RCBTB1: variants seen among roughly 807,000 people sequenced by gnomAD.
RCBTB1 encodes the protein RCC1 and BTB domain containing protein 1, also known as RCC1 and BTB domain-containing protein 1.
A neutral mutation model predicts 62.4 loss-of-function variants in RCBTB1; 46 were observed. The observed-to-expected ratio is 0.74, with a 90% confidence interval of 0.58 to 0.94. The LOEUF is 0.94. RCBTB1 is among the 40% of genes least tolerant of loss of function. The pLI is 0.00. For synonymous variants in RCBTB1, 222 were observed against 245.8 expected, an observed-to-expected ratio of 0.90 and a Z score of 0.91; for missense variants, 565 against 654.9, an observed-to-expected ratio of 0.86 and a Z score of 1.50.
chr13:49,540,824 G>C (rs996608786), intron 12 of RCBTB1, 52 bp downstream of exon 12: 37 of 1,575,126 alleles, frequency 2.3e-5, no homozygotes, highest in Non-Finnish European at 3.2e-5. Flanking sequence ...CGGGGGAGAC[G>C]AGCACAAAGG....
rs2139231620 is a variant in RCBTB1 at position 49,559,949 on chromosome 13, T to C, written c.413A>G (p.His138Arg). 2 of 1,614,132 alleles carry C rather than the reference T, an allele frequency of 1.2e-6. No homozygotes were observed. Among genetic ancestry groups the C allele is most frequent in the Non-Finnish European group, 1.7e-6 (2 of 1,179,992 alleles). Residue 138 changes from histidine to arginine, a missense_variant, in exon 5 of 13, where the codon CAT becomes CGT. Transcript: ENST00000378302. The stretch of plus-strand genomic sequence containing the variant: ...ATCAGCTGCCAGAGCCATTGAATGA[T>C]GTGAGCCACAAGCTACTTCCACCAC... Reference protein sequence around the residue: ...KQVVEVACGSHHSMALAADGE... With the variant: ...KQVVEVACGSRHSMALAADGE...
intron 2 of RCBTB1, among the ~76,000 whole-genome samples, chr13:49,573,639 G>A (rs954842729): frequency 3.3e-5 from 5 of 151,680 alleles, no homozygotes; most frequent in African/African-American, 9.7e-5. Flanking sequence ...TAGTAGAGAC[G>A]GGGTTTCACC....
At chr13:49,583,840 C>T (rs749302220) in intron 1 of RCBTB1, among the ~76,000 whole-genome samples, 1 of 152,174 alleles carries the variant, frequency 6.6e-6, no homozygotes, top group Non-Finnish European at 1.5e-5. Context: ...AGCCACTGCG[C>T]CTGGCCAATA....
At chr13:49,559,670 A>AG (rs1454876766) in intron 5 of RCBTB1, among the ~76,000 whole-genome samples, 1 of 151,128 alleles carries the variant, frequency 6.6e-6, no homozygotes, top group Non-Finnish European at 1.5e-5. Context: ...AAAAAAAAAA[A>AG]AAGAAAGTTG....
intron 7 of RCBTB1, among the ~76,000 whole-genome samples, chr13:49,551,826 G>A (rs990143692): frequency 1.3e-5 from 2 of 151,562 alleles, no homozygotes; most frequent in African/African-American, 4.9e-5. Flanking sequence ...CGTGAACTCG[G>A]GAGGCGGAGC....
In RCBTB1 at chr13:49,541,708, TC is replaced by T. The variant is rs1197692653; in HGVS notation, c.1291del (p.Asp431ThrfsTer11). On this transcript the variant is annotated frameshift_variant, in exon 11 of 13. Transcript: ENST00000378302. LOFTEE classifies it high-confidence loss of function. ...ATCTTCTGGCGGCAGGTCGACTGTGTCTGTGTAGAGGTACTGGAGAAAGGCA... is the reference window on the plus strand; with the variant it reads ...ATCTTCTGGCGGCAGGTCGACTGTGTTGTGTAGAGGTACTGGAGAAAGGCA... ...YRAFLQYLYTDTVDLPPEDAI... is the reference protein window; with the variant it reads ...YRAFLQYLYTXTVDLPPEDAI... 6.2e-7 allele frequency: 1 copy of T among 1,613,202 alleles called. No homozygotes were observed.
rs1960377444 is a variant in RCBTB1 at position 49,541,700 on chromosome 13, C to T, written c.1300G>A (p.Asp434Asn). Residue 434 changes from aspartate to asparagine, a missense_variant, in exon 11 of 13, where the codon GAC (aspartate) becomes AAC (asparagine). By Grantham distance (23) the Asp-to-Asn change is conservative. Transcript: ENST00000378302. ...FLQYLYTDTV[D>N]LPPEDAIGLL... ...CCTATAGCATCTTCTGGCGGCAGGT[C>T]GACTGTGTCTGTGTAGAGGTACTGG... 6 of 1,612,604 alleles carry T rather than the reference C, an allele frequency of 3.7e-6. No homozygotes were observed. Among genetic ancestry groups the T allele is most frequent in the East Asian group, 4.5e-5 (2 of 44,850 alleles).
chr13:49,541,107 T>C (rs1960329423), intron 11 of RCBTB1, 101 bp from the exon 12 acceptor site: 1 of 963,268 alleles, frequency 1.0e-6, no homozygotes, highest in Non-Finnish European at 1.5e-6. Flanking sequence ...AAATTAGAAG[T>C]TTCTTAGTGG....
chr13:49,567,763 G>T (rs948334319), intron 2 of RCBTB1, among the ~76,000 whole-genome samples: 2 of 152,160 alleles, frequency 1.3e-5, no homozygotes, highest in Non-Finnish European at 2.9e-5. Flanking sequence ...CACCAACTTG[G>T]ATGACAAGGA....
chr13:49,577,532 TG>T (rs199613344), intron 2 of RCBTB1, among the ~76,000 whole-genome samples: 1 of 45,338 alleles, frequency 2.2e-5, no homozygotes, highest in East Asian at 9.9e-4. Context: ...TTTAAATTGC[TG>T]TTATGTACTG....
At chr13:49,567,654 GCTCCAGCAC>G (rs1275655158) in intron 2 of RCBTB1, among the ~76,000 whole-genome samples, 2 of 152,138 alleles carry the variant, frequency 1.3e-5, no homozygotes, top group African/African-American at 4.8e-5. Flanking sequence ...CCAAGTTCTG[GCTCCAGCAC>G]CTCCAACAGC....
At chr13:49,566,468 T>C (rs1963020392) in intron 4 of RCBTB1, 150 bp downstream of exon 4, 1 of 731,316 alleles carries the variant, frequency 1.4e-6, no homozygotes, top group African/African-American at 1.8e-5. Flanking sequence ...CCGAAGTGTT[T>C]AACTTTCACC....
chr13:49,539,166 T>A (rs1960165990), intron 12 of RCBTB1, among the ~76,000 whole-genome samples: 1 of 89,082 alleles, frequency 1.1e-5, no homozygotes, highest in African/African-American at 3.0e-5. Context: ...AGCCTGGCCA[T>A]TTTTTTTTTT....
intron 1 of RCBTB1, among the ~76,000 whole-genome samples, chr13:49,583,386 ATGTGTGTGTGTGTG>A (rs6145049): frequency 2.7e-5 from 4 of 149,826 alleles, no homozygotes; most frequent in Non-Finnish European, 5.9e-5. Context: ...GCTTTTGTGT[ATGTGTGTGTGTGTG>A]TGTGTGTGTG....
chr13:49,565,347 T>A (rs1371822725), intron 4 of RCBTB1, among the ~76,000 whole-genome samples: 1 of 152,264 alleles, frequency 6.6e-6, no homozygotes, highest in Admixed American at 6.5e-5. Context: ...AGTGCAGTGG[T>A]GTGATCTCGG....
chr13:49,571,644 A>T (rs4942849), intron 2 of RCBTB1, among the ~76,000 whole-genome samples: 3 of 151,860 alleles, frequency 2.0e-5, no homozygotes, highest in East Asian at 1.9e-4. Flanking sequence ...AGGTTCCCTG[A>T]GAGGTTTTGT....
At chr13:49,575,065 G>C (rs1963682900) in intron 2 of RCBTB1, among the ~76,000 whole-genome samples, 1 of 152,154 alleles carries the variant, frequency 6.6e-6, no homozygotes, top group Non-Finnish European at 1.5e-5. Flanking sequence ...GAGCTGGGGG[G>C]AGGTAGGAAT....
rs192420035 is a variant in RCBTB1, at chr13:49,540,864, T to C, written c.1455+12A>G. 963 of 1,610,880 alleles carry C rather than the reference T, an allele frequency of 6.0e-4. 5 individuals carry two copies. In the African/African-American group the frequency reaches 0.011, roughly 19 times the overall value. On this transcript the variant is annotated intron_variant, in intron 12 of 12. Coordinates refer to ENST00000378302, the MANE Select transcript of RCBTB1 (RefSeq NM_018191.4). The stretch of plus-strand genomic sequence containing the variant: ...TAAAGGTGGTCTGGTTTCTGTTTGT[T>C]GTTTAAGTTACCTCTGCATCATATC...
chr13:49,565,903 T>C (rs972096954), intron 4 of RCBTB1, among the ~76,000 whole-genome samples: 2 of 151,632 alleles, frequency 1.3e-5, no homozygotes, highest in Non-Finnish European at 2.9e-5. Context: ...GGAGACTCCA[T>C]TTTGTTCTGT....
Sources: allele counts gnomAD v4.1 joint callset (sites outside exome capture counted in the v4.1 genomes callset), GRCh38; gene constraint gnomAD v4.1.1; transcripts MANE v1.5; gene names NCBI Gene and HGNC (gene_info 2026-07-23, HGNC 2026-07-21).